Variants in F13A1 observed in about 807,000 individuals in gnomAD.
F13A1 encodes the protein FSF, A subunit.
Under a neutral mutation model 80.1 loss-of-function variants are expected in F13A1, and 47 were observed. The observed-to-expected ratio is 0.59, with a 90% CI of 0.46 to 0.75. The LOEUF (loss-of-function observed/expected upper bound fraction) is 0.75. F13A1 is among the 30% of genes least tolerant of loss of function. The probability of loss-of-function intolerance (pLI) is 0.00; values close to 1 mark genes in which losing one functional copy is unlikely to be tolerated. For missense variants in F13A1, 817 were observed against 930.4 expected (o/e 0.88, Z 1.59); for synonymous variants, 349 against 344.9 (o/e 1.01, Z -0.13).
intron 12 of F13A1, among the ~76,000 whole-genome samples, chr6:6,174,047 T>G (rs1386727906): frequency 6.6e-6 from 1 of 152,188 alleles, no homozygotes; most frequent in African/African-American, 2.4e-5. Context: ...GGCTCTAGGC[T>G]TTGAAATTTT....
intron 3 of F13A1, among the ~76,000 whole-genome samples, chr6:6,267,310 CT>C (rs1183715494): frequency 3.3e-5 from 5 of 152,184 alleles, no homozygotes; most frequent in Non-Finnish European, 7.3e-5. Flanking sequence ...ATCACATATA[CT>C]TGTAAATCCA....
chr6:6,156,384 A>G (rs1349804134), intron 13 of F13A1, among the ~76,000 whole-genome samples: 2 of 152,238 alleles, frequency 1.3e-5, no homozygotes, highest in Non-Finnish European at 2.9e-5. Context: ...CACTAAGCAT[A>G]TGCTTTAAAA....
At chr6:6,159,105 G>A (rs11243064) in intron 13 of F13A1, among the ~76,000 whole-genome samples, 36,179 of 151,814 alleles carry the variant, frequency 0.24, 4,583 homozygotes, top group Middle Eastern at 0.27. Flanking sequence ...GTTTCACCGT[G>A]TTAGCCAGGA....
chr6:6,156,390 TA>T (rs927136676), intron 13 of F13A1, among the ~76,000 whole-genome samples: 1 of 152,196 alleles, frequency 6.6e-6, no homozygotes, highest in Non-Finnish European at 1.5e-5. Flanking sequence ...GCATATGCTT[TA>T]AAAATACATA....
intron 3 of F13A1, among the ~76,000 whole-genome samples, chr6:6,294,783 G>T (rs1291188652): frequency 2.0e-5 from 3 of 150,318 alleles, no homozygotes; most frequent in African/African-American, 7.4e-5. Flanking sequence ...TAGGGTACAT[G>T]TGCACAATGT....
intron 3 of F13A1, among the ~76,000 whole-genome samples, chr6:6,303,127 AATCCATTTCT>A (rs1758459412): frequency 6.6e-6 from 1 of 152,206 alleles, no homozygotes; most frequent in Non-Finnish European, 1.5e-5. Flanking sequence ...CATATACTGA[AATCCATTTCT>A]GGATTCTCTA....
chr6:6,292,610 G>A (rs191128617), intron 3 of F13A1, among the ~76,000 whole-genome samples: 4 of 152,224 alleles, frequency 2.6e-5, no homozygotes, highest in African/African-American at 7.2e-5. Context: ...CAACACCGCC[G>A]CTGGCTTTCC....
At chr6:6,177,792 G>T (rs905908708) in intron 11 of F13A1, among the ~76,000 whole-genome samples, 3 of 152,212 alleles carry the variant, frequency 2.0e-5, no homozygotes, top group African/African-American at 7.2e-5. Context: ...ACAGATGCTG[G>T]GACGGAGGTT....
intron 8 of F13A1, among the ~76,000 whole-genome samples, chr6:6,197,624 G>A (rs1355487383): frequency 6.6e-6 from 1 of 151,972 alleles, no homozygotes; most frequent in Non-Finnish European, 1.5e-5. Context: ...GTTACAGTGA[G>A]CTGAGATTGT....
intron 13 of F13A1, among the ~76,000 whole-genome samples, 181 bp from the exon 14 acceptor site, chr6:6,152,130 A>T (rs1484733646): frequency 6.6e-6 from 1 of 152,276 alleles, no homozygotes; most frequent in East Asian, 1.9e-4. Flanking sequence ...AAGAGATGGA[A>T]ATTTACTAAT....
intron 8 of F13A1, among the ~76,000 whole-genome samples, chr6:6,219,386 G>C (rs1269562102): frequency 6.6e-6 from 1 of 150,862 alleles, no homozygotes. Context: ...CTTCTTACCA[G>C]TGACCAATAA....
intron 3 of F13A1, among the ~76,000 whole-genome samples, chr6:6,290,442 A>G (rs903631654): frequency 2.0e-5 from 3 of 152,224 alleles, no homozygotes; most frequent in Non-Finnish European, 2.9e-5. Flanking sequence ...CAATGGTATT[A>G]TAAAAATAAA....
chr6:6,318,605 A>C lies in F13A1; in HGVS notation c.60T>G (p.Ser20=). 1.9e-6 allele frequency: 3 copies of C among 1,613,470 alleles called. No individual in the cohort carries two copies. The highest frequency in any genetic ancestry group is 2.5e-6 in the Non-Finnish European group (3 of 1,179,848). The change falls in exon 2 of 15, where the codon TCT becomes TCG. Residue 20 remains serine, a synonymous_variant. Transcript: ENST00000264870. ...GGRRAVPPNN[S]NAAEDDLPTV... is the part of the protein sequence containing the mutation. ...TGGGCAGGTCATCTTCCGCTGCATT[A>C]GAGTTATTGGGTGGAACTGCTCTTC...
intron 13 of F13A1, among the ~76,000 whole-genome samples, chr6:6,153,652 C>T (rs1284310693): frequency 6.6e-6 from 1 of 152,166 alleles, no homozygotes; most frequent in Non-Finnish European, 1.5e-5. Context: ...ACAGCAGGTG[C>T]ACCTAGACAG....
intron 6 of F13A1, among the ~76,000 whole-genome samples, chr6:6,240,924 C>G (rs1352148198): frequency 6.6e-6 from 1 of 152,046 alleles, no homozygotes; most frequent in African/African-American, 2.4e-5. Flanking sequence ...TCTAAAAAAT[C>G]TTTTTAGAGT....
chr6:6,313,982 T>TAA (rs1758643389), intron 2 of F13A1, among the ~76,000 whole-genome samples: 1 of 96,478 alleles, frequency 1.0e-5, no homozygotes, highest in Non-Finnish European at 2.0e-5. Flanking sequence ...ATTTTCTCCT[T>TAA]ACTCTTTTTT....
At chr6:6,186,597 C>T (rs1407310181) in intron 10 of F13A1, among the ~76,000 whole-genome samples, 3 of 152,198 alleles carry the variant, frequency 2.0e-5, no homozygotes, top group Admixed American at 2.0e-4. Flanking sequence ...TATTTTGGTA[C>T]CAGTACCATG....
chr6:6,253,593 C>G (rs1176421939), intron 4 of F13A1, among the ~76,000 whole-genome samples: 1 of 152,174 alleles, frequency 6.6e-6, no homozygotes, highest in Non-Finnish European at 1.5e-5. Context: ...CTAGTCAAGC[C>G]CAGTCTGGAT....
chr6:6,241,111 A>G lies in F13A1; in HGVS notation c.798+7201T>C, dbSNP rs373111570. On this transcript the variant is annotated intron_variant, in intron 6 of 14. Coordinates refer to ENST00000264870, the MANE Select transcript of F13A1 (RefSeq NM_000129.4). ...CTTTTTCTGCTGTTCCAAACTGAGA[A>G]ATTTCATTCCTGATATGAATCATAG... is the stretch of plus-strand genomic sequence containing the variant. 5.8e-4 allele frequency among the ~76,000 whole-genome samples: 88 copies of G among 152,260 alleles called. 1 individual carries two copies. In the East Asian group the frequency reaches 0.014, roughly 25 times the overall value.
Sources: gnomAD v4.1 joint callset for allele counts (sites outside exome capture counted in the v4.1 genomes callset) on GRCh38, gnomAD v4.1.1 for gene constraint, MANE v1.5 for transcripts, NCBI Gene and HGNC (gene_info 2026-07-23, HGNC 2026-07-21) for gene names.